The following MICAL1 variants were observed in gnomAD, a reference collection of about 807,000 sequenced individuals.
MICAL1 encodes the protein [F-actin]-monooxygenase MICAL1.
A neutral mutation model predicts 131.8 loss-of-function variants in MICAL1; 95 were observed. That is an observed-to-expected ratio of 0.72 (90% CI 0.61 to 0.86). The LOEUF (loss-of-function observed/expected upper bound fraction) is 0.86, where lower values mean the gene tolerates loss of function less well. Among genes scored for constraint, MICAL1 ranks in the 40% least tolerant of loss-of-function variants. The pLI is 0.00. For synonymous variants in MICAL1, 546 were observed against 554.2 expected, an observed-to-expected ratio of 0.99 and a Z score of 0.21; for missense variants, 1,292 against 1,380.6, an observed-to-expected ratio of 0.94 and a Z score of 1.02.
rs1198186971 is a variant in MICAL1, at chr6:109,444,180, C to A, written c.*11G>T. 1.2e-6 allele frequency: 2 copies of A among 1,608,354 alleles called. No homozygotes were observed. The highest frequency in any genetic ancestry group is 8.5e-7 in the Non-Finnish European group (1 of 1,178,296). ...TCTTTGTGGGAACGAAAGCAGACGG[C>A]CCACCCTCGTCTAGCCCTGGGCCCC... On this transcript the variant is annotated 3_prime_UTR_variant, in exon 25 of 25. Transcript: ENST00000358807.
At chr6:109,459,376 G>A (rs1775835092), upstream of MICAL1, among the ~76,000 whole-genome samples, 1 of 152,202 alleles carries the variant, frequency 6.6e-6, no homozygotes, top group African/African-American at 2.4e-5. Flanking sequence ...GTACAGGCAA[G>A]TGACATGGTA....
In MICAL1 at chr6:109,450,538, C is replaced by T. The variant is rs771327770; in HGVS notation, c.953G>A (p.Arg318Gln). 20 of 1,610,024 alleles carry T rather than the reference C, an allele frequency of 1.2e-5. No individual in the cohort carries two copies. Among genetic ancestry groups the T allele is most frequent in the Middle Eastern group, 1.6e-4 (1 of 6,068 alleles). ...CACCACATTGGCACTGCCCAGCAGCCGATTGGTGTCTGGCCAGTCCTGTAT... is the reference window on the plus strand; with the variant it reads ...CACCACATTGGCACTGCCCAGCAGCTGATTGGTGTCTGGCCAGTCCTGTAT... Reference protein sequence around the residue: ...VLRQDWPDTNRLLGSANVVPE... With the variant: ...VLRQDWPDTNQLLGSANVVPE... Residue 318 changes from arginine to glutamine, a missense_variant, in exon 8 of 25, where the codon CGG becomes CAG. Transcript: ENST00000358807.
intron 12 of MICAL1, 160 bp from the exon 13 acceptor site, chr6:109,448,553 A>T (rs1184213079): frequency 2.4e-6 from 3 of 1,244,804 alleles, no homozygotes; most frequent in Non-Finnish European, 3.4e-6. Context: ...CAACCCAGTG[A>T]CACTACTCCT....
intron 18 of MICAL1, 38 bp downstream of exon 18, chr6:109,446,658 C>G: frequency 1.3e-6 from 2 of 1,599,730 alleles, no homozygotes; most frequent in Non-Finnish European, 1.7e-6. Context: ...TCTTCCTCTT[C>G]CCATGCCCCA....
Position 109,453,989 on chromosome 6 carries a change from G to T in MICAL1, c.208C>A (p.Arg70=), listed in dbSNP as rs780884784. ...AKSLWTKLDK[R]AGQPVYQQGR... ...TGCTGGTAGACAGGCTGGCCTGCTC[G>T]CTTGTCCAGCTTGGTCCACAGTGAC... is the stretch of plus-strand genomic sequence containing the variant. The change falls in exon 2 of 25, where the codon CGA becomes AGA. Residue 70 remains arginine, a synonymous_variant. Coordinates refer to ENST00000358807, the MANE Select transcript of MICAL1 (RefSeq NM_022765.4). 8 of 1,614,082 alleles carry T rather than the reference G, an allele frequency of 5.0e-6. No individual in the cohort carries two copies. The South Asian group carries it at 8.8e-5, about 18-fold the overall frequency.
At chr6:109,448,649 GCA>G in intron 12 of MICAL1, 81 bp downstream of exon 12, 2 of 1,563,078 alleles carry the variant, frequency 1.3e-6, no homozygotes, top group East Asian at 4.5e-5. Flanking sequence ...ATGCAGGGAA[GCA>G]CACTGTCTCT....
In MICAL1 at chr6:109,448,246, G is replaced by A; in HGVS notation, c.1812C>T (p.Leu604=). 1 of 1,613,624 alleles carries A rather than the reference G, an allele frequency of 6.2e-7. No homozygotes were observed. The highest frequency in any genetic ancestry group is 1.1e-5 in the South Asian group (1 of 91,082). Residue 604 remains leucine (L), a synonymous_variant, in exon 13 of 25, where the codon CTC becomes CTT. Transcript: ENST00000358807. ...GSDPLGLIAY[L]SHFHSAFKSM... is the part of the protein sequence containing the mutation. ...TCTTGAAGGCACTGTGGAAGTGGCT[G>A]AGGTAGGCAATGAGGCCCAGTGGGT...
At chr6:109,448,697 A>T in intron 12 of MICAL1, 35 bp downstream of exon 12, 1 of 1,612,642 alleles carries the variant, frequency 6.2e-7, no homozygotes. Flanking sequence ...CTACACTGAG[A>T]TCATGAGAGA....
chr6:109,444,242 C>T lies in MICAL1; in HGVS notation c.3153G>A (p.Gln1051=), dbSNP rs754402725. Residue 1051 remains glutamine, a synonymous_variant, in exon 25 of 25, where the codon CAG becomes CAA. Coordinates refer to ENST00000358807, the MANE Select transcript of MICAL1 (RefSeq NM_022765.4). ...VNQRDALIRF[Q]EERRLSELAL... is the part of the protein sequence containing the mutation. The stretch of plus-strand genomic sequence containing the variant: ...CCAGCTCGCTGAGCCTGCGCTCCTC[C>T]TGGAAGCGGATGAGGGCATCTCTCT... The T allele has an allele frequency of 8.7e-6, 14 of 1,613,738 alleles. No homozygotes were observed. Among genetic ancestry groups the T allele is most frequent in the Non-Finnish European group, 1.1e-5 (13 of 1,180,040 alleles).
rs745382957 is a variant in MICAL1, at chr6:109,448,261, GCC to G, written c.1795_1796del (p.Gly599ProfsTer37). On this transcript the variant is annotated frameshift_variant, in exon 13 of 25. Coordinates refer to ENST00000358807, the MANE Select transcript of MICAL1 (RefSeq NM_022765.4). LOFTEE classifies it high-confidence loss of function. ...GGAAGTGGCTGAGGTAGGCAATGAGGCCCAGTGGGTCACTCCCTGCTACCACG... is the reference window on the plus strand; with the variant it reads ...GGAAGTGGCTGAGGTAGGCAATGAGGCAGTGGGTCACTCCCTGCTACCACG... ...QAVVAGSDPL[G>X]LIAYLSHFHS... The G allele has an allele frequency of 3.7e-6, 6 of 1,613,816 alleles. No individual in the cohort carries two copies. The highest frequency in any genetic ancestry group is 5.1e-6 in the Non-Finnish European group (6 of 1,180,004).
At chr6:109,449,877 T>C in intron 9 of MICAL1, 93 bp downstream of exon 9, 3 of 1,585,268 alleles carry the variant, frequency 1.9e-6, no homozygotes, top group Non-Finnish European at 2.6e-6. Context: ...CTTCTGCCTA[T>C]TCCTCCGTCT....
chr6:109,454,098 C>A lies in MICAL1; in HGVS notation c.99G>T (p.Leu33=), dbSNP rs1775654325. Residue 33 remains leucine, a synonymous_variant, in exon 2 of 25, where the codon CTG becomes CTT. Coordinates refer to ENST00000358807, the MANE Select transcript of MICAL1 (RefSeq NM_022765.4). ...CQDVLSSFQE[L]CGALGLEPGG... Reference sequence around the variant, plus strand: ...CGGGTTCCAGCCCCAGGGCCCCACACAGCTCCTGGAAGCTGCTCAGCACGT... The same window carrying A: ...CGGGTTCCAGCCCCAGGGCCCCACAAAGCTCCTGGAAGCTGCTCAGCACGT... The A allele has an allele frequency of 6.2e-7, 1 of 1,613,776 alleles. No individual in the cohort carries two copies. Among genetic ancestry groups the A allele is most frequent in the Admixed American group, 1.7e-5 (1 of 60,016 alleles).
In MICAL1 at chr6:109,445,135, G is replaced by T. The variant is rs1775151106; in HGVS notation, c.2881+62C>A. 4.4e-6 allele frequency: 7 copies of T among 1,596,540 alleles called. No individual in the cohort carries two copies. The Admixed American group carries it at 1.0e-4, about 23-fold the overall frequency. On this transcript the variant is annotated intron_variant, in intron 22 of 24. Coordinates refer to ENST00000358807, the MANE Select transcript of MICAL1 (RefSeq NM_022765.4). ...GGCATAGCCACTGGGACTCCTACGG[G>T]CTGGAGCGTGGAGCTGAACACAGTG...
rs770332917 is a variant in MICAL1, at chr6:109,452,202, C to G, written c.832+44G>C. ...GAAGGGAGAGGCAGGAGCCAGGCCACAGTCAGGCAGGGGGAGGGGAAATTC... is the reference window on the plus strand; with the variant it reads ...GAAGGGAGAGGCAGGAGCCAGGCCAGAGTCAGGCAGGGGGAGGGGAAATTC... On this transcript the variant is annotated intron_variant, in intron 6 of 24. Transcript: ENST00000358807. 3.7e-5 allele frequency: 59 copies of G among 1,579,314 alleles called. 1 individual carries two copies. The highest frequency in any genetic ancestry group is 4.7e-5 in the Non-Finnish European group (55 of 1,160,290).
At position 109,465,666 on chromosome 6, in the gene MICAL1, T is replaced by C. The variant is rs757008290; in HGVS notation, c.12A>G (p.Leu4=). Reference sequence around the variant, plus strand: ...AAATGCTCAATACAAATCAGTACCTTAGACAAGACATACACACATCTTGCT... The same window carrying C: ...AAATGCTCAATACAAATCAGTACCTCAGACAAGACATACACACATCTTGCT... The change falls in exon 1 of 25, where the codon CTA becomes CTG. Residue 4 remains leucine (L), a splice_region_variant and synonymous_variant. Transcript: ENST00000630715. 8.9e-6 allele frequency: 14 copies of C among 1,579,234 alleles called. No homozygotes were observed. The South Asian group carries it at 9.0e-5, about 10-fold the overall frequency.
chr6:109,461,641 T>C (rs1226069395), intron 1 of MICAL1, among the ~76,000 whole-genome samples: 1 of 152,178 alleles, frequency 6.6e-6, no homozygotes, highest in Admixed American at 6.5e-5. Flanking sequence ...CAAAAACTTC[T>C]ATTACATTAA....
rs1775659164 is a variant in MICAL1 at position 109,454,211 on chromosome 6, G to A, written c.-15C>T. The A allele has an allele frequency of 1.9e-6, 3 of 1,583,482 alleles. No individual in the cohort carries two copies. Among genetic ancestry groups the A allele is most frequent in the Admixed American group, 3.6e-5 (2 of 55,006 alleles). On this transcript the variant is annotated 5_prime_UTR_variant, in exon 2 of 25. Coordinates refer to ENST00000358807, the MANE Select transcript of MICAL1 (RefSeq NM_022765.4). ...GGTGAAGCCATGGAGGCCTCCTGGG[G>A]AGGGCAGCAGCTGGGCAGAGATGAG...
chr6:109,450,644 C>T, intron 7 of MICAL1, 87 bp from the exon 8 acceptor site: 1 of 1,432,614 alleles, frequency 7.0e-7, no homozygotes, highest in Non-Finnish European at 9.3e-7. Flanking sequence ...AGAAGGTGCA[C>T]ATCCTGGGGC....
chr6:109,447,527 G>T, intron 15 of MICAL1, 87 bp from the exon 16 acceptor site: 2 of 1,527,664 alleles, frequency 1.3e-6, no homozygotes, highest in Admixed American at 3.4e-5. Flanking sequence ...AGGGGCTGAA[G>T]GGAAGGGGAG....
Sources: gnomAD v4.1 joint callset for allele counts (sites outside exome capture counted in the v4.1 genomes callset) on GRCh38, gnomAD v4.1.1 for gene constraint, MANE v1.5 for transcripts, NCBI Gene and HGNC (gene_info 2026-07-23, HGNC 2026-07-21) for gene names.